Variants in SLC25A24 observed in about 807,000 individuals in gnomAD.
SLC25A24 encodes the protein mitochondrial adenyl nucleotide antiporter SLC25A24.
In SLC25A24, 49 loss-of-function variants were observed where a neutral mutation model predicts 60.7. The ratio of observed to expected loss-of-function variants is 0.81; its 90% CI spans 0.64 to 1.02. The LOEUF is 1.02. Among genes scored for constraint, SLC25A24 ranks in the 50% least tolerant of loss-of-function variants. The pLI, the probability that SLC25A24 is intolerant of heterozygous loss-of-function variation, is 0.00. For synonymous variants in SLC25A24, 202 were observed against 200.6 expected (o/e 1.01, Z -0.06); for missense variants, 564 against 586.3 (o/e 0.96, Z 0.39).
At chr1:108,163,189 T>A (rs1173625037) in intron 3 of SLC25A24, among the ~76,000 whole-genome samples, 1 of 107,588 alleles carries the variant, frequency 9.3e-6, no homozygotes, top group African/African-American at 4.3e-5. Flanking sequence ...GCTGGTTTGG[T>A]TACTGTAGCC....
chr1:108,198,119 A>C (rs1648550733), intron 1 of SLC25A24, among the ~76,000 whole-genome samples: 1 of 152,216 alleles, frequency 6.6e-6, no homozygotes, highest in Non-Finnish European at 1.5e-5. Context: ...GGAGTCCAGC[A>C]GATGCCAGCA....
chr1:108,198,000 G>T (rs1648546966), intron 1 of SLC25A24, among the ~76,000 whole-genome samples: 1 of 152,050 alleles, frequency 6.6e-6, no homozygotes, highest in Non-Finnish European at 1.5e-5. Context: ...TTCCCTCGAG[G>T]CTGGGTTGCT....
chr1:108,189,888 T>A, intron 1 of SLC25A24, among the ~76,000 whole-genome samples: 1 of 148,682 alleles, frequency 6.7e-6, no homozygotes. Context: ...TATATATGTA[T>A]ATATAGAGAG....
At chr1:108,159,887 C>A (rs11185288) in intron 4 of SLC25A24, among the ~76,000 whole-genome samples, 73,429 of 147,872 alleles carry the variant, frequency 0.5, 18,683 homozygotes, top group African/African-American at 0.62. Context: ...ACACAGCAAC[C>A]ATCCGATTTC....
At chr1:108,170,951 C>A (rs1490724363) in intron 3 of SLC25A24, among the ~76,000 whole-genome samples, 3 of 152,134 alleles carry the variant, frequency 2.0e-5, no homozygotes, top group Non-Finnish European at 4.4e-5. Flanking sequence ...TAGGCTGCCC[C>A]ATTTGAGAAT....
intron 6 of SLC25A24, among the ~76,000 whole-genome samples, chr1:108,153,224 C>A (rs927058164): frequency 1.3e-5 from 2 of 152,086 alleles, no homozygotes; most frequent in Admixed American, 1.3e-4. Flanking sequence ...TAATGACAAC[C>A]CACAGAGAAC....
intron 4 of SLC25A24, among the ~76,000 whole-genome samples, chr1:108,158,777 G>A (rs529680266): frequency 6.2e-4 from 93 of 150,910 alleles, no homozygotes; most frequent in Non-Finnish European, 9.6e-4. Flanking sequence ...CGAGGCGGGC[G>A]GATTACAAGG....
intron 6 of SLC25A24, among the ~76,000 whole-genome samples, chr1:108,151,755 C>T (rs78696806): frequency 0.035 from 5,399 of 152,294 alleles, 132 homozygotes; most frequent in Middle Eastern, 0.11. Flanking sequence ...TACCCAATTG[C>T]TTACTGGACA....
intron 1 of SLC25A24, chr1:108,199,702 G>A (rs903527929): frequency 3.6e-6 from 2 of 551,364 alleles, no homozygotes; most frequent in Non-Finnish European, 6.4e-6. Context: ...CAGTGCCCGT[G>A]GGCCAGAGTG....
rs926359943 is a variant in SLC25A24, at chr1:108,192,152, G to A, written c.184-6198C>T. Among the ~76,000 whole-genome samples, 60 of 138,264 alleles carry A rather than the reference G, an allele frequency of 4.3e-4. 5 individuals carry two copies. Among genetic ancestry groups the A allele is most frequent in the African/African-American group, 1.5e-3 (58 of 39,846 alleles). 90.7% of individuals were successfully genotyped at this position (138,264 alleles called of 152,430 possible). ...AGTGATTATTCCAGTTCTCTGAACT[G>A]GGGAGGGCGCATCTTTAGCCTAGAC... On this transcript the variant is annotated intron_variant, in intron 1 of 9. Coordinates refer to ENST00000565488, the MANE Select transcript of SLC25A24 (RefSeq NM_013386.5).
chr1:108,197,854 T>A (rs541786386), intron 1 of SLC25A24, among the ~76,000 whole-genome samples: 2 of 152,304 alleles, frequency 1.3e-5, no homozygotes, highest in East Asian at 3.9e-4. Flanking sequence ...TGTGGCCGTG[T>A]TGGGAGGAGG....
intron 7 of SLC25A24, among the ~76,000 whole-genome samples, chr1:108,147,224 G>C (rs1679628667): frequency 1.3e-5 from 2 of 152,148 alleles, no homozygotes; most frequent in African/African-American, 4.8e-5. Context: ...AGTATTCCCT[G>C]ATGGTAGTTT....
At chr1:108,196,949 C>G (rs2101650396) in intron 1 of SLC25A24, among the ~76,000 whole-genome samples, 1 of 152,294 alleles carries the variant, frequency 6.6e-6, no homozygotes, top group Non-Finnish European at 1.5e-5. Flanking sequence ...ACTGTATCTC[C>G]TTGTTCTCAC....
intron 1 of SLC25A24, among the ~76,000 whole-genome samples, chr1:108,187,927 G>GAGATATATATATATATAT (rs1553256780): frequency 3.1e-5 from 3 of 95,748 alleles, no homozygotes; most frequent in African/African-American, 1.3e-4. Context: ...AGACATTATA[G>GAGATATATATATATATAT]ATATATATAT....
intron 3 of SLC25A24, among the ~76,000 whole-genome samples, chr1:108,172,685 C>G (rs1338229273): frequency 6.6e-6 from 1 of 152,174 alleles, no homozygotes; most frequent in East Asian, 1.9e-4. Flanking sequence ...AATATCCAAA[C>G]CATATTAAGC....
intron 6 of SLC25A24, among the ~76,000 whole-genome samples, chr1:108,154,647 G>A (rs1679844109): frequency 6.6e-6 from 1 of 152,098 alleles, no homozygotes; most frequent in Admixed American, 6.6e-5. Flanking sequence ...TCCTTCCAGA[G>A]GTTAGATTGT....
intron 3 of SLC25A24, 22 bp from the exon 4 acceptor site, chr1:108,161,315 C>A: frequency 8.1e-7 from 1 of 1,231,628 alleles, no homozygotes; most frequent in South Asian, 1.3e-5. Flanking sequence ...AAAAAATGAT[C>A]AAAGTACAAA....
At position 108,155,154 on chromosome 1, in the gene SLC25A24, T is replaced by C. The variant is rs907044439; in HGVS notation, c.670-19A>G. 1 of 1,600,562 alleles carries C rather than the reference T, an allele frequency of 6.2e-7. No individual in the cohort carries two copies. Among genetic ancestry groups the C allele is most frequent in the South Asian group, 1.1e-5 (1 of 88,754 alleles). On this transcript the variant is annotated intron_variant, in intron 5 of 9. Coordinates refer to ENST00000565488, the MANE Select transcript of SLC25A24 (RefSeq NM_013386.5). ...CGTGAACCTAAAAATAAAAGCAGAA[T>C]GATATAAAATGCTGGTGGCATATTA...
At chr1:108,138,549 T>A (rs1413144678) in intron 9 of SLC25A24, among the ~76,000 whole-genome samples, 2 of 152,244 alleles carry the variant, frequency 1.3e-5, no homozygotes, top group East Asian at 3.9e-4. Context: ...ATGGAGACTG[T>A]CACAGTGAGG....
Sources: allele counts gnomAD v4.1 joint callset (sites outside exome capture counted in the v4.1 genomes callset), GRCh38; gene constraint gnomAD v4.1.1; transcripts MANE v1.5; gene names NCBI Gene and HGNC (gene_info 2026-07-23, HGNC 2026-07-21).